Variants in MACROD2 observed in about 807,000 individuals in gnomAD.
The protein encoded by MACROD2 is mono-ADP ribosylhydrolase 2, also known as ADP-ribose glycohydrolase MACROD2.
A neutral mutation model predicts 70.4 loss-of-function variants in MACROD2; 36 were observed. The observed-to-expected ratio is 0.51, with a 90% confidence interval of 0.39 to 0.68. MACROD2 has a LOEUF of 0.68. Ranked by LOEUF, MACROD2 falls within the 30% of genes least tolerant of loss-of-function variation. MACROD2 has a pLI of 0.00. For missense variants in MACROD2, 496 were observed against 538.4 expected, an observed-to-expected ratio of 0.92 and a Z score of 0.78; for synonymous variants, 172 against 178.8, an observed-to-expected ratio of 0.96 and a Z score of 0.30.
At chr20:15,183,239 T>C (rs1962548264) in intron 5 of MACROD2, among the ~76,000 whole-genome samples, 1 of 152,096 alleles carries the variant, frequency 6.6e-6, no homozygotes, top group Non-Finnish European at 1.5e-5. Context: ...CCTCAGCAGT[T>C]AAAAATTGGA....
intron 5 of MACROD2, among the ~76,000 whole-genome samples, chr20:14,829,391 A>G (rs771882008): frequency 7.9e-5 from 12 of 151,650 alleles, no homozygotes; most frequent in Non-Finnish European, 1.3e-4. Context: ...CGGCCTCCCA[A>G]AGTGCTGGGA....
intron 8 of MACROD2, among the ~76,000 whole-genome samples, chr20:15,517,369 C>T (rs2146523250): frequency 6.6e-6 from 1 of 152,276 alleles, no homozygotes; most frequent in East Asian, 1.9e-4. Flanking sequence ...TTTTCCTGAA[C>T]CCCCACACAA....
intron 5 of MACROD2, among the ~76,000 whole-genome samples, chr20:15,148,020 C>T (rs1178063285): frequency 6.6e-6 from 1 of 151,976 alleles, no homozygotes; most frequent in African/African-American, 2.4e-5. Context: ...GATATGATGG[C>T]TTAGCTTGGG....
chr20:15,571,533 A>C lies in MACROD2; in HGVS notation c.645+71686A>C, dbSNP rs1568900441. Among the ~76,000 whole-genome samples the C allele has an allele frequency of 3.3e-5, 5 of 152,132 alleles. No individual in the cohort carries two copies. In the South Asian group the frequency reaches 1.0e-3, roughly 32 times the overall value. ...TAAACTTTATATTTTAATATTTTTA[A>C]GTTTAAAAAGAAGAACTAAACCAGA... On this transcript the variant is annotated intron_variant, in intron 8 of 17. Coordinates refer to ENST00000684519, the MANE Select transcript of MACROD2 (RefSeq NM_001351661.2).
intron 9 of MACROD2, among the ~76,000 whole-genome samples, chr20:15,868,607 T>TC (rs1299152378): frequency 5.3e-5 from 8 of 151,130 alleles, no homozygotes; most frequent in Non-Finnish European, 8.9e-5. Context: ...ACTTTTCTTT[T>TC]TTTTTTTTTT....
chr20:14,832,720 C>G (rs2072985492), intron 5 of MACROD2, among the ~76,000 whole-genome samples: 1 of 152,134 alleles, frequency 6.6e-6, no homozygotes, highest in Admixed American at 6.5e-5. Flanking sequence ...GATGCTACTT[C>G]TCTTAATTTC....
intron 7 of MACROD2, among the ~76,000 whole-genome samples, chr20:15,486,304 T>C (rs1194706860): frequency 6.6e-6 from 1 of 152,194 alleles, no homozygotes; most frequent in African/African-American, 2.4e-5. Flanking sequence ...AGCCCCCACC[T>C]GGTTTTCCAG....
chr20:15,270,883 C>G (rs1453881502), intron 6 of MACROD2, among the ~76,000 whole-genome samples: 1 of 152,176 alleles, frequency 6.6e-6, no homozygotes, highest in Non-Finnish European at 1.5e-5. Flanking sequence ...GCTATTTTTT[C>G]TGATTTCTTC....
At chr20:14,407,652 G>A (rs2083706227) in intron 3 of MACROD2, among the ~76,000 whole-genome samples, 1 of 152,060 alleles carries the variant, frequency 6.6e-6, no homozygotes, top group South Asian at 2.1e-4. Flanking sequence ...AAATTTCACT[G>A]GAAAGGCATC....
At chr20:15,162,816 T>C (rs2076357783) in intron 5 of MACROD2, among the ~76,000 whole-genome samples, 1 of 152,098 alleles carries the variant, frequency 6.6e-6, no homozygotes, top group Non-Finnish European at 1.5e-5. Flanking sequence ...TAATATAGCA[T>C]GCATTCAGGG....
At chr20:15,605,911 A>G (rs1447821052) in intron 8 of MACROD2, among the ~76,000 whole-genome samples, 2 of 152,180 alleles carry the variant, frequency 1.3e-5, no homozygotes, top group Admixed American at 6.5e-5. Context: ...GTAAATCACG[A>G]TGCTTGCTGG....
intron 8 of MACROD2, among the ~76,000 whole-genome samples, chr20:15,844,378 C>T (rs1359124758): frequency 2.6e-5 from 4 of 152,084 alleles, no homozygotes; most frequent in East Asian, 1.9e-4. Context: ...CCCTGGGTCC[C>T]GGTAACTGCT....
At chr20:14,378,317 A>G (rs998005651) in intron 3 of MACROD2, among the ~76,000 whole-genome samples, 3 of 152,164 alleles carry the variant, frequency 2.0e-5, no homozygotes, top group African/African-American at 7.2e-5. Context: ...ACTGGCTGTC[A>G]TGGTTTCCAG....
intron 3 of MACROD2, among the ~76,000 whole-genome samples, chr20:14,429,399 G>A (rs1301689240): frequency 6.6e-6 from 1 of 152,118 alleles, no homozygotes; most frequent in Non-Finnish European, 1.5e-5. Flanking sequence ...TTCTCAAGAA[G>A]CATACAGCCT....
intron 5 of MACROD2, among the ~76,000 whole-genome samples, chr20:15,097,026 C>T (rs534876259): frequency 2.9e-4 from 43 of 150,100 alleles, no homozygotes; most frequent in African/African-American, 9.6e-4. Flanking sequence ...TGGCCAGGCT[C>T]GTCTCGAACT....
intron 15 of MACROD2, among the ~76,000 whole-genome samples, chr20:16,011,541 G>T (rs1009815834): frequency 6.6e-6 from 1 of 152,220 alleles, no homozygotes; most frequent in African/African-American, 2.4e-5. Flanking sequence ...AATGCAAGGA[G>T]TTTATTAAAG....
intron 3 of MACROD2, among the ~76,000 whole-genome samples, chr20:14,212,727 G>C (rs1026354398): frequency 2.6e-5 from 4 of 151,454 alleles, no homozygotes; most frequent in African/African-American, 9.7e-5. Flanking sequence ...CCACATACCT[G>C]TCAGGATCAT....
At chr20:14,202,391 G>C (rs1441258118) in intron 3 of MACROD2, among the ~76,000 whole-genome samples, 1 of 152,130 alleles carries the variant, frequency 6.6e-6, no homozygotes, top group Admixed American at 6.5e-5. Flanking sequence ...AATTTTATTA[G>C]ATTAGAAGAA....
intron 2 of MACROD2, among the ~76,000 whole-genome samples, chr20:14,010,963 A>T (rs539187229): frequency 6.6e-6 from 1 of 152,286 alleles, no homozygotes; most frequent in South Asian, 2.1e-4. Flanking sequence ...TGGAATTTTC[A>T]GTGGTGTAAT....
Sources: allele counts gnomAD v4.1 joint callset (sites outside exome capture counted in the v4.1 genomes callset), GRCh38; gene constraint gnomAD v4.1.1; transcripts MANE v1.5; gene names NCBI Gene and HGNC (gene_info 2026-07-23, HGNC 2026-07-21).